Variants in PARN observed in about 807,000 individuals in gnomAD.
The protein encoded by PARN is poly(A)-specific ribonuclease PARN.
PARN carries 71 observed loss-of-function variants against 102.8 expected under a neutral mutation model. That is an observed-to-expected ratio of 0.69 (90% confidence interval 0.57 to 0.84). PARN has a LOEUF of 0.84. Ranked by LOEUF, PARN falls within the 40% of genes least tolerant of loss-of-function variation. The pLI is 0.00. For missense variants in PARN, 782 were observed against 760.9 expected (o/e 1.03, Z -0.33); for synonymous variants, 261 against 252.9 (o/e 1.03, Z -0.30).
At chr16:14,512,313 T>G (rs1965231481) in intron 21 of PARN, among the ~76,000 whole-genome samples, 2 of 152,156 alleles carry the variant, frequency 1.3e-5, no homozygotes, top group Middle Eastern at 6.8e-3. Flanking sequence ...ACCAGCCTAG[T>G]GAACATGCTG....
chr16:14,489,744 G>T (rs1963957233), intron 21 of PARN, among the ~76,000 whole-genome samples: 1 of 152,214 alleles, frequency 6.6e-6, no homozygotes, highest in South Asian at 2.1e-4. Context: ...TGTGGGTGGG[G>T]AGAGTGTACT....
At chr16:14,449,711 C>A (rs979630484) in intron 22 of PARN, among the ~76,000 whole-genome samples, 6 of 152,182 alleles carry the variant, frequency 3.9e-5, no homozygotes. Flanking sequence ...CAGCTCATTA[C>A]ACACACTCCT....
intron 12 of PARN, among the ~76,000 whole-genome samples, chr16:14,593,661 T>C (rs1353689375): frequency 6.6e-6 from 1 of 152,092 alleles, no homozygotes; most frequent in Non-Finnish European, 1.5e-5. Flanking sequence ...GCCACCCTCA[T>C]GAATCAGAAG....
In PARN at chr16:14,438,444, G is replaced by GGC. The variant is rs1471723667; in HGVS notation, c.1865-1673_1865-1672insGC. ...CCAATCTGCACCTGCCATTAGTTGG[G>GGC]GGGGGGGGTGTGTGAGTGCACAGTG... On this transcript the variant is annotated intron_variant, in intron 23 of 23. Transcript: ENST00000437198. Among the ~76,000 whole-genome samples, 2 of 150,478 alleles carry GGC rather than the reference G, an allele frequency of 1.3e-5. 1 individual carries two copies. The highest frequency in any genetic ancestry group is 4.9e-5 in the African/African-American group (2 of 40,728).
rs59033096 is a variant in PARN, at chr16:14,463,852, C to G, written c.1671-16771G>C. Among the ~76,000 whole-genome samples the G allele has an allele frequency of 3.4e-3, 362 of 106,650 alleles. 13 individuals are homozygous for G. Among genetic ancestry groups the G allele is most frequent in the African/African-American group, 0.013 (317 of 24,354 alleles). The allele number at this position is 106,650 out of a possible 152,430, so 70.0% of individuals were successfully genotyped here. On this transcript the variant is annotated intron_variant, in intron 22 of 23. Transcript: ENST00000437198. ...ACTTTTTTTTTTGGGGGGGGGGGGA[C>G]GACAAGGTCTCACTCTGTCACCCAG...
chr16:14,436,827 G>A, intron 23 of PARN, 55 bp from the exon 24 acceptor site: 1 of 1,312,746 alleles, frequency 7.6e-7, no homozygotes, highest in African/African-American at 1.5e-5. Flanking sequence ...GCACCTTGAG[G>A]AGAGCATGAC....
chr16:14,492,020 C>T (rs1290396192), intron 21 of PARN, among the ~76,000 whole-genome samples: 3 of 152,240 alleles, frequency 2.0e-5, no homozygotes, highest in Admixed American at 6.5e-5. Context: ...AAACAGGCCA[C>T]CGTCACTGAT....
At chr16:14,451,070 C>T (rs1961422833) in intron 22 of PARN, among the ~76,000 whole-genome samples, 1 of 152,208 alleles carries the variant, frequency 6.6e-6, no homozygotes, top group Non-Finnish European at 1.5e-5. Context: ...CCTGGCCTAT[C>T]TTTCACTAGG....
chr16:14,629,242 G>A (rs1023468369), intron 2 of PARN, among the ~76,000 whole-genome samples: 3 of 152,160 alleles, frequency 2.0e-5, no homozygotes, highest in East Asian at 1.9e-4. Flanking sequence ...CCACTTAACT[G>A]TAAAGCCACT....
rs1328954076 is a variant in PARN at position 14,435,895 on chromosome 16, TTCACAC to T, written c.*816_*821del. The T allele has an allele frequency of 5.5e-5, 6 of 108,168 alleles. No individual in the cohort carries two copies. The highest frequency in any genetic ancestry group is 2.2e-4 in the African/African-American group (6 of 27,360). The allele number at this position is 108,168 out of a possible 1,614,324, so 6.7% of individuals were successfully genotyped here. A position where few individuals can be genotyped will look rare whatever the true frequency, so the allele number is the denominator to read the frequency against. ...GGGACATGTTGTAGATTTGCACGAT[TTCACAC>T]ACACACACACACACACACACACACA... On this transcript the variant is annotated 3_prime_UTR_variant, in exon 24 of 24. Transcript: ENST00000437198.
chr16:14,621,103 A>C (rs1383386100), intron 5 of PARN, among the ~76,000 whole-genome samples: 1 of 152,148 alleles, frequency 6.6e-6, no homozygotes. Flanking sequence ...TTTATACTTT[A>C]CAACAAGCAA....
rs571177213 is a variant in PARN, at chr16:14,457,337, G to A, written c.1671-10256C>T. ...TGGGAGCTAGAAATGCCTTTTTATT[G>A]TGTTCACAAACTTTCATGGTGAATT... On this transcript the variant is annotated intron_variant, in intron 22 of 23. Transcript: ENST00000437198. Among the ~76,000 whole-genome samples, 7 of 152,202 alleles carry A rather than the reference G, an allele frequency of 4.6e-5. 1 individual carries two copies. The South Asian group carries it at 1.4e-3, about 32-fold the overall frequency.
intron 21 of PARN, among the ~76,000 whole-genome samples, chr16:14,546,898 G>C (rs1966976846): frequency 6.6e-6 from 1 of 152,014 alleles, no homozygotes; most frequent in South Asian, 2.1e-4. Context: ...TTCGAGACCA[G>C]CCTGACCAAC....
intron 21 of PARN, among the ~76,000 whole-genome samples, chr16:14,505,797 G>C (rs958431456): frequency 5.3e-5 from 8 of 152,086 alleles, no homozygotes; most frequent in African/African-American, 1.9e-4. Flanking sequence ...TGTCAGCTTT[G>C]GCAACATGTG....
chr16:14,541,664 A>G (rs1158927911), intron 21 of PARN, among the ~76,000 whole-genome samples: 4 of 151,950 alleles, frequency 2.6e-5, no homozygotes, highest in African/African-American at 4.8e-5. Context: ...TTTAGTAGAG[A>G]CGGGATTCTA....
intron 22 of PARN, among the ~76,000 whole-genome samples, chr16:14,469,668 T>C (rs1287967645): frequency 6.6e-6 from 1 of 151,934 alleles, no homozygotes; most frequent in East Asian, 1.9e-4. Flanking sequence ...TTCTGCTGGC[T>C]TATGATGTAC....
intron 16 of PARN, among the ~76,000 whole-genome samples, chr16:14,582,944 C>A (rs914223239): frequency 3.9e-5 from 6 of 151,974 alleles, no homozygotes; most frequent in Non-Finnish European, 8.8e-5. Context: ...AACCCTCCCC[C>A]AAAAAAAGAG....
At chr16:14,497,910 A>T (rs1457187343) in intron 21 of PARN, among the ~76,000 whole-genome samples, 4 of 152,122 alleles carry the variant, frequency 2.6e-5, no homozygotes, top group African/African-American at 9.7e-5. Context: ...GATCACAAGG[A>T]CATGAGAGCA....
chr16:14,526,580 C>A (rs374653503), intron 21 of PARN, among the ~76,000 whole-genome samples: 1 of 152,172 alleles, frequency 6.6e-6, no homozygotes, highest in South Asian at 2.1e-4. Flanking sequence ...GCAAAGTAAA[C>A]CATACATCCC....
Sources: gnomAD v4.1 joint callset for allele counts (sites outside exome capture counted in the v4.1 genomes callset) on GRCh38, gnomAD v4.1.1 for gene constraint, MANE v1.5 for transcripts, NCBI Gene and HGNC (gene_info 2026-07-23, HGNC 2026-07-21) for gene names.